Variants in MRGPRX3 observed in about 807,000 individuals in gnomAD.
The protein encoded by MRGPRX3 is MAS related GPR family member X3, also known as mas-related G protein-coupled receptor member X3.
MRGPRX3 carries 14 observed loss-of-function variants against 16.5 expected under a neutral mutation model. That is an observed-to-expected ratio of 0.85 (90% CI 0.56 to 1.33). MRGPRX3 has a LOEUF of 1.33. Ranked by LOEUF, MRGPRX3 falls within the 40% of genes most tolerant of loss-of-function variation. MRGPRX3 has a pLI of 0.00. For synonymous variants in MRGPRX3, 199 were observed against 180.1 expected (o/e 1.10, Z -0.84); for missense variants, 449 against 413.0 (o/e 1.09, Z -0.76).
At chr11:18,129,256 T>C (rs1221012963), upstream of MRGPRX3, among the ~76,000 whole-genome samples, 3 of 152,180 alleles carry the variant, frequency 2.0e-5, no homozygotes, top group African/African-American at 7.2e-5. Flanking sequence ...AAGCTGGTTC[T>C]TTGAAAACTT....
At position 18,138,042 on chromosome 11, in the gene MRGPRX3, G is replaced by A. The variant is rs750002660; in HGVS notation, c.840G>A (p.Gln280=). ...IIYFFVGSFR[Q]RQNRQNLKLV... Reference sequence around the variant, plus strand: ...ACTTCTTCGTGGGCTCCTTTAGGCAGCGTCAAAATAGGCAGAACCTGAAGC... The same window carrying A: ...ACTTCTTCGTGGGCTCCTTTAGGCAACGTCAAAATAGGCAGAACCTGAAGC... The change falls in exon 2 of 2, where the codon CAG becomes CAA. Residue 280 remains glutamine, a synonymous_variant. Coordinates refer to ENST00000621697, the MANE Select transcript of MRGPRX3 (RefSeq NM_001370464.1). 1.2e-6 allele frequency: 2 copies of A among 1,614,196 alleles called. No individual in the cohort carries two copies. The highest frequency in any genetic ancestry group is 1.7e-5 in the Admixed American group (1 of 60,020).
At chr11:18,135,124 C>A (rs551863876) in intron 1 of MRGPRX3, among the ~76,000 whole-genome samples, 5 of 152,126 alleles carry the variant, frequency 3.3e-5, no homozygotes, top group African/African-American at 1.2e-4. Flanking sequence ...TGTTGTGAAC[C>A]AGGAAAACCC....
chr11:18,131,853 G>C (rs1197569459), upstream of MRGPRX3, among the ~76,000 whole-genome samples: 1 of 152,102 alleles, frequency 6.6e-6, no homozygotes, highest in Non-Finnish European at 1.5e-5. Flanking sequence ...TGGGGACTAA[G>C]CTGTGAGGAC....
intron 1 of MRGPRX3, among the ~76,000 whole-genome samples, chr11:18,136,476 A>G (rs1849008390): frequency 6.6e-6 from 1 of 152,214 alleles, no homozygotes; most frequent in African/African-American, 2.4e-5. Context: ...TGATGAATGA[A>G]ATTTTCTTCA....
At chr11:18,125,919 A>G (rs925097773) in intron 1 of MRGPRX3, among the ~76,000 whole-genome samples, 3 of 152,202 alleles carry the variant, frequency 2.0e-5, no homozygotes, top group African/African-American at 7.2e-5. Context: ...TTCTTGTTGA[A>G]TTGATCCCTT....
At chr11:18,123,604 T>C (rs1304378954) in intron 1 of MRGPRX3, among the ~76,000 whole-genome samples, 4 of 152,186 alleles carry the variant, frequency 2.6e-5, no homozygotes, top group Admixed American at 2.6e-4. Flanking sequence ...TGTAGTATAG[T>C]TTGAAGTCAG....
intron 1 of MRGPRX3, among the ~76,000 whole-genome samples, chr11:18,127,199 T>TA (rs1848907774): frequency 6.6e-6 from 1 of 152,238 alleles, no homozygotes; most frequent in South Asian, 2.1e-4. Flanking sequence ...TGGCTGCCCT[T>TA]AACATTTTTT....
At chr11:18,129,540 A>T (rs569069617), upstream of MRGPRX3, among the ~76,000 whole-genome samples, 253 of 152,048 alleles carry the variant, frequency 1.7e-3, no homozygotes, top group African/African-American at 2.3e-3. Context: ...TTGAAATAAA[A>T]TTTTTTTTTA....
intron 1 of MRGPRX3, among the ~76,000 whole-genome samples, chr11:18,125,814 TG>T (rs1848889174): frequency 6.6e-6 from 1 of 152,216 alleles, no homozygotes; most frequent in South Asian, 2.1e-4. Context: ...TATTATTGTG[TG>T]GGAGTCTAAG....
upstream of MRGPRX3, among the ~76,000 whole-genome samples, chr11:18,130,281 T>C (rs1444039895): frequency 6.6e-6 from 1 of 152,144 alleles, no homozygotes; most frequent in African/African-American, 2.4e-5. Context: ...TAGAAAACCC[T>C]AAAGACTCAT....
chr11:18,129,646 C>G (rs921923633), upstream of MRGPRX3, among the ~76,000 whole-genome samples: 1 of 151,964 alleles, frequency 6.6e-6, no homozygotes, highest in African/African-American at 2.4e-5. Flanking sequence ...GAAGCTATTC[C>G]ATAAAGAAAG....
chr11:18,125,167 G>GT (rs1222857473), intron 1 of MRGPRX3, among the ~76,000 whole-genome samples: 2 of 152,042 alleles, frequency 1.3e-5, no homozygotes, highest in Non-Finnish European at 2.9e-5. Flanking sequence ...TTTTTGAAGG[G>GT]TTTTTTGTGT....
intron 1 of MRGPRX3, among the ~76,000 whole-genome samples, chr11:18,123,136 T>G (rs1848856562): frequency 6.6e-6 from 1 of 152,266 alleles, no homozygotes; most frequent in Admixed American, 6.5e-5. Flanking sequence ...ATTCTGTAGG[T>G]TGCCTGTTTG....
rs552975160 is a variant in MRGPRX3, at chr11:18,132,585, C to A, written c.-180C>A. 8 of 152,326 alleles carry A rather than the reference C, an allele frequency of 5.3e-5. No individual in the cohort carries two copies. Among genetic ancestry groups the A allele is most frequent in the African/African-American group, 1.4e-4 (6 of 41,574 alleles). 9.4% of individuals were successfully genotyped at this position (152,326 alleles called of 1,614,324 possible). On this transcript the variant is annotated 5_prime_UTR_variant, in exon 1 of 2. Transcript: ENST00000621697. ...CAAGACTGTCCAGCATCTTCGTAAG[C>A]CTGGATTGCTCACCAGCTTTCATTT...
At chr11:18,135,922 T>G (rs73432054) in intron 1 of MRGPRX3, among the ~76,000 whole-genome samples, 2,824 of 152,258 alleles carry the variant, frequency 0.019, 82 homozygotes, top group African/African-American at 0.064. Flanking sequence ...ATAATACTAA[T>G]TTTTACCTCC....
At chr11:18,136,202 T>A (rs1849006277) in intron 1 of MRGPRX3, among the ~76,000 whole-genome samples, 2 of 152,164 alleles carry the variant, frequency 1.3e-5, no homozygotes, top group Non-Finnish European at 2.9e-5. Flanking sequence ...CACTTAGTAG[T>A]CCCCCATACA....
chr11:18,138,024 C>T lies in MRGPRX3; in HGVS notation c.822C>T (p.Phe274=), dbSNP rs896228386. 2.5e-6 allele frequency: 4 copies of T among 1,614,058 alleles called. No individual in the cohort carries two copies. The African/African-American group carries it at 4.0e-5, about 16-fold the overall frequency. The stretch of plus-strand genomic sequence containing the variant: ...GTGCCAACCCCATCATTTACTTCTT[C>T]GTGGGCTCCTTTAGGCAGCGTCAAA... ...NSSANPIIYF[F]VGSFRQRQNR... is the part of the protein sequence containing the mutation. The change falls in exon 2 of 2, where the codon TTC becomes TTT. Residue 274 remains phenylalanine, a synonymous_variant. Transcript: ENST00000621697.
intron 1 of MRGPRX3, among the ~76,000 whole-genome samples, chr11:18,132,946 C>A (rs1375717476): frequency 6.6e-6 from 1 of 152,150 alleles, no homozygotes; most frequent in Non-Finnish European, 1.5e-5. Context: ...TCTAATTTAT[C>A]TCCCCATATC....
At chr11:18,123,030 G>A (rs918059874) in intron 1 of MRGPRX3, among the ~76,000 whole-genome samples, 57 of 152,100 alleles carry the variant, frequency 3.7e-4, no homozygotes, top group South Asian at 3.7e-3. Context: ...TTTTTGATGG[G>A]GTTGTTTGTT....
Sources: gnomAD v4.1 joint callset for allele counts (sites outside exome capture counted in the v4.1 genomes callset) on GRCh38, gnomAD v4.1.1 for gene constraint, MANE v1.5 for transcripts, NCBI Gene and HGNC (gene_info 2026-07-23, HGNC 2026-07-21) for gene names.